The following NALF1 variants were observed in gnomAD, a reference collection of about 807,000 sequenced individuals.
NALF1 encodes the protein family with sequence similarity 155 member A.
Under a neutral mutation model 48.4 loss-of-function variants are expected in NALF1, and 3 were observed. The observed-to-expected ratio is 0.06, with a 90% CI of 0.03 to 0.16. The LOEUF is 0.16. Among genes scored for constraint, NALF1 ranks in the 10% least tolerant of loss-of-function variants. The pLI is 1.00. For synonymous variants in NALF1, 262 were observed against 245.7 expected, an observed-to-expected ratio of 1.07 and a Z score of -0.62; for missense variants, 526 against 571.5, an observed-to-expected ratio of 0.92 and a Z score of 0.81.
At chr13:107,855,550 TAC>T (rs2138645837) in intron 1 of NALF1, among the ~76,000 whole-genome samples, 1 of 152,178 alleles carries the variant, frequency 6.6e-6, no homozygotes, top group East Asian at 1.9e-4. Flanking sequence ...CAAAGAATTG[TAC>T]ACTTTATCCA....
intron 1 of NALF1, among the ~76,000 whole-genome samples, chr13:107,432,442 C>T (rs1884398033): frequency 6.6e-6 from 1 of 152,188 alleles, no homozygotes; most frequent in Non-Finnish European, 1.5e-5. Context: ...CTACAATTAT[C>T]TGGAAGCTTT....
intron 1 of NALF1, among the ~76,000 whole-genome samples, chr13:107,298,524 C>T (rs1180690522): frequency 3.3e-5 from 5 of 151,784 alleles, no homozygotes; most frequent in African/African-American, 9.7e-5. Flanking sequence ...CTCCGCCTCC[C>T]GGGTTCAAGT....
At chr13:107,639,253 T>C (rs535422627) in intron 1 of NALF1, among the ~76,000 whole-genome samples, 46 of 152,270 alleles carry the variant, frequency 3.0e-4, no homozygotes, top group African/African-American at 9.9e-4. Flanking sequence ...TCTTTCATAG[T>C]ATATGGCCTG....
chr13:107,711,412 A>C (rs1259479227), intron 1 of NALF1, among the ~76,000 whole-genome samples: 1 of 152,202 alleles, frequency 6.6e-6, no homozygotes, highest in Non-Finnish European at 1.5e-5. Flanking sequence ...CTCAGCTCAC[A>C]GCAACCTCCA....
intron 1 of NALF1, among the ~76,000 whole-genome samples, chr13:107,678,518 C>G (rs1276841267): frequency 6.6e-6 from 1 of 152,208 alleles, no homozygotes. Flanking sequence ...TCTGTGACCT[C>G]GAGCAAGTCA....
At chr13:107,173,634 T>C (rs1425920726) in intron 2 of NALF1, among the ~76,000 whole-genome samples, 2 of 152,188 alleles carry the variant, frequency 1.3e-5, no homozygotes, top group Non-Finnish European at 2.9e-5. Context: ...GATCCCCTGT[T>C]CCCTGTATCC....
chr13:107,257,197 C>A (rs1880833847), intron 1 of NALF1, among the ~76,000 whole-genome samples: 2 of 152,112 alleles, frequency 1.3e-5, no homozygotes, highest in South Asian at 4.2e-4. Context: ...GAGCCAGTCA[C>A]CTCCCTCCCT....
At chr13:107,573,305 ATC>A (rs1439992041) in intron 1 of NALF1, among the ~76,000 whole-genome samples, 3 of 151,946 alleles carry the variant, frequency 2.0e-5, no homozygotes, top group Non-Finnish European at 4.4e-5. Context: ...TTTGGTGTAG[ATC>A]TCTCTTAAAA....
At chr13:107,692,824 AC>A (rs1293438080) in intron 1 of NALF1, among the ~76,000 whole-genome samples, 1 of 152,192 alleles carries the variant, frequency 6.6e-6, no homozygotes, top group Non-Finnish European at 1.5e-5. Context: ...CTCCCCATTC[AC>A]TGTCTGCCTG....
intron 1 of NALF1, among the ~76,000 whole-genome samples, chr13:107,261,152 A>G (rs1461844321): frequency 6.6e-6 from 1 of 152,234 alleles, no homozygotes; most frequent in East Asian, 1.9e-4. Flanking sequence ...TAAAAAGTAA[A>G]TAAATACAAA....
At chr13:107,821,755 T>C (rs972820191) in intron 1 of NALF1, among the ~76,000 whole-genome samples, 2 of 152,244 alleles carry the variant, frequency 1.3e-5, no homozygotes, top group Admixed American at 6.5e-5. Flanking sequence ...AATGATGTCA[T>C]ACCATTAATT....
intron 1 of NALF1, among the ~76,000 whole-genome samples, chr13:107,294,121 G>A (rs1350100393): frequency 2.6e-5 from 4 of 152,068 alleles, no homozygotes; most frequent in African/African-American, 9.7e-5. Context: ...TAGCTATCTC[G>A]AAGAACTACT....
chr13:107,655,212 G>A (rs1367894895), intron 1 of NALF1, among the ~76,000 whole-genome samples: 2 of 152,058 alleles, frequency 1.3e-5, no homozygotes, highest in African/African-American at 4.8e-5. Context: ...TCAAACTGTC[G>A]CTCTTTGCTG....
chr13:107,241,762 T>C (rs1880476197), intron 1 of NALF1, among the ~76,000 whole-genome samples: 2 of 152,194 alleles, frequency 1.3e-5, no homozygotes, highest in Non-Finnish European at 2.9e-5. Context: ...AACACTCGGT[T>C]CCTTTACCTG....
In NALF1 at chr13:107,431,410, C is replaced by T. The variant is rs143093113; in HGVS notation, c.916-220655G>A. Reference sequence around the variant, plus strand: ...ACACACACATGCGCATGCGTGCACACACAAACACACAATCTCAATTTGGAC... The same window carrying T: ...ACACACACATGCGCATGCGTGCACATACAAACACACAATCTCAATTTGGAC... On this transcript the variant is annotated intron_variant, in intron 1 of 2. Coordinates refer to ENST00000375915, the MANE Select transcript of NALF1 (RefSeq NM_001080396.3). Among the ~76,000 whole-genome samples the T allele has an allele frequency of 3.9e-5, 6 of 152,286 alleles. No homozygotes were observed. The South Asian group carries it at 8.3e-4, about 21-fold the overall frequency.
chr13:107,449,791 T>C (rs1367625975), intron 1 of NALF1, among the ~76,000 whole-genome samples: 1 of 152,166 alleles, frequency 6.6e-6, no homozygotes, highest in African/African-American at 2.4e-5. Flanking sequence ...ATATAGCACA[T>C]AATTTGATTG....
intron 1 of NALF1, among the ~76,000 whole-genome samples, chr13:107,231,494 C>T (rs147979816): frequency 7.2e-5 from 11 of 152,178 alleles, no homozygotes; most frequent in Non-Finnish European, 1.3e-4. Context: ...TACCTTCAGA[C>T]TAGGAAAAAA....
At chr13:107,819,652 A>G (rs996958854) in intron 1 of NALF1, among the ~76,000 whole-genome samples, 2 of 150,472 alleles carry the variant, frequency 1.3e-5, no homozygotes, top group African/African-American at 4.9e-5. Flanking sequence ...CTACATTCCC[A>G]TAAGATGAAT....
At chr13:107,566,462 C>T (rs574645263) in intron 1 of NALF1, among the ~76,000 whole-genome samples, 1 of 152,178 alleles carries the variant, frequency 6.6e-6, no homozygotes, top group South Asian at 2.1e-4. Flanking sequence ...CCAGAAGCAC[C>T]CAGTGCTGTC....
Sources: allele counts gnomAD v4.1 joint callset (sites outside exome capture counted in the v4.1 genomes callset), GRCh38; gene constraint gnomAD v4.1.1; transcripts MANE v1.5; gene names NCBI Gene and HGNC (gene_info 2026-07-23, HGNC 2026-07-21).